GYS1: variants seen among roughly 807,000 people sequenced by gnomAD.
The protein encoded by GYS1 is glycogen synthase 1.
A neutral mutation model predicts 89.1 loss-of-function variants in GYS1; 60 were observed. The ratio of observed to expected loss-of-function variants is 0.67; its 90% CI spans 0.55 to 0.84. The LOEUF is 0.84. Ranked by LOEUF, GYS1 falls within the 40% of genes least tolerant of loss-of-function variation. The pLI is 0.00. For synonymous variants in GYS1, 366 were observed against 401.7 expected, an observed-to-expected ratio of 0.91 and a Z score of 1.06; for missense variants, 888 against 1,003.1, an observed-to-expected ratio of 0.89 and a Z score of 1.55.
chr19:48,985,675 G>T, intron 4 of GYS1, 70 bp from the exon 5 acceptor site: 2 of 1,580,010 alleles, frequency 1.3e-6, no homozygotes, highest in Non-Finnish European at 1.7e-6. Context: ...AGACACTGGG[G>T]TCCCAAGAGA....
chr19:48,976,559 C>T (rs535201200), intron 10 of GYS1, among the ~76,000 whole-genome samples: 2 of 152,240 alleles, frequency 1.3e-5, no homozygotes, highest in African/African-American at 4.8e-5. Context: ...TAAGAAACCG[C>T]AGCTGCTGAG....
chr19:48,972,379 G>A (rs1002338724), intron 12 of GYS1, among the ~76,000 whole-genome samples: 3 of 151,710 alleles, frequency 2.0e-5, no homozygotes, highest in African/African-American at 7.3e-5. Flanking sequence ...TCACCATGTT[G>A]TCCAGGCTGG....
rs121434584 is a variant in GYS1, at chr19:48,974,658, G to A, written c.1384C>T (p.Arg462Ter). 6 of 1,614,016 alleles carry A rather than the reference G, an allele frequency of 3.7e-6. No individual in the cohort carries two copies. The highest frequency in any genetic ancestry group is 5.1e-6 in the Non-Finnish European group (6 of 1,179,930). ...SSDPILTTIR[R>*]IGLFNSSADR... ...GCACTGCTATTGAAGAGGCCGATTC[G>A]GCGGATGGTGGTCAGGATGGGGTCT... is the stretch of plus-strand genomic sequence containing the variant. The change falls in exon 11 of 16, where the codon CGA becomes TGA. Residue 462 changes from arginine to a stop codon, truncating the protein, a stop_gained. Transcript: ENST00000323798. LOFTEE classifies it high-confidence loss of function.
chr19:48,973,399 A>G (rs1365505199), intron 12 of GYS1, among the ~76,000 whole-genome samples: 1 of 152,084 alleles, frequency 6.6e-6, no homozygotes, highest in Non-Finnish European at 1.5e-5. Context: ...AGGCCTATGG[A>G]AAAAGGGAAT....
chr19:48,971,834 G>A (rs939373548), intron 12 of GYS1, among the ~76,000 whole-genome samples: 12 of 149,936 alleles, frequency 8.0e-5, no homozygotes, highest in African/African-American at 1.5e-4. Flanking sequence ...CAAATTATAG[G>A]TGTGAGCCAC....
In GYS1 at chr19:48,976,635, G is replaced by A. The variant is rs112692001; in HGVS notation, c.1308+1289C>T. Among the ~76,000 whole-genome samples the A allele has an allele frequency of 7.6e-3, 1,156 of 152,204 alleles. 19 individuals are homozygous for A. The highest frequency in any genetic ancestry group is 0.027 in the African/African-American group (1,115 of 41,508). Reference sequence around the variant, plus strand: ...CACCTCCTGACTGCGTCCCTAAAGTGGCCCGATAAAACTACCACTCCCAGC... The same window carrying A: ...CACCTCCTGACTGCGTCCCTAAAGTAGCCCGATAAAACTACCACTCCCAGC... On this transcript the variant is annotated intron_variant, in intron 10 of 15. Coordinates refer to ENST00000323798, the MANE Select transcript of GYS1 (RefSeq NM_002103.5).
Position 48,985,996 on chromosome 19 carries a change from G to C in GYS1, c.532C>G (p.His178Asp). The change falls in exon 4 of 16, where the codon CAC becomes GAC. Residue 178 changes from histidine (H) to aspartate (D), a missense_variant. His to Asp is a moderately conservative substitution (Grantham distance 81). Transcript: ENST00000323798. The stretch of plus-strand genomic sequence containing the variant: ...ACGCCTGCCAACCACTCATGGAAGT[G>C]AGCAACCACATGTGGCTTCTCCTCA... ...QSEEKPHVVA[H>D]FHEWLAGVGL... The C allele has an allele frequency of 6.2e-7, 1 of 1,614,186 alleles. No individual in the cohort carries two copies. Among genetic ancestry groups the C allele is most frequent in the Non-Finnish European group, 8.5e-7 (1 of 1,180,034 alleles).
intron 8 of GYS1, among the ~76,000 whole-genome samples, chr19:48,980,961 A>G (rs572917992): frequency 6.6e-5 from 10 of 152,096 alleles, no homozygotes; most frequent in African/African-American, 2.4e-4. Flanking sequence ...ATAAAAATAA[A>G]AAGTTAGCCA....
chr19:48,974,780 A>G (rs2038619607), intron 10 of GYS1, 47 bp from the exon 11 acceptor site: 1 of 1,307,792 alleles, frequency 7.6e-7, no homozygotes, highest in African/African-American at 1.5e-5. Flanking sequence ...GGGACAGAGA[A>G]CTCCCTACTT....
intron 11 of GYS1, 128 bp downstream of exon 11, chr19:48,974,492 A>G: frequency 9.5e-7 from 1 of 1,052,416 alleles, no homozygotes; most frequent in Non-Finnish European, 1.5e-6. Flanking sequence ...CCTGCCTCAG[A>G]AGCCAGGGTT....
At chr19:48,972,974 GAAAC>G (rs971653778) in intron 12 of GYS1, among the ~76,000 whole-genome samples, 3 of 152,058 alleles carry the variant, frequency 2.0e-5, no homozygotes, top group African/African-American at 7.2e-5. Flanking sequence ...TCTCAAAAAA[GAAAC>G]AAATAGTAAA....
At position 48,985,948 on chromosome 19, in the gene GYS1, G is replaced by A. The variant is rs1455481597; in HGVS notation, c.580C>T (p.Arg194Trp). Reference sequence around the variant, plus strand: ...AAGATGGTTGCTACAGGCAGTCGCCGGGCACGACACAGGCAGAGTCCAACG... The same window carrying A: ...AAGATGGTTGCTACAGGCAGTCGCCAGGCACGACACAGGCAGAGTCCAACG... ...AGVGLCLCRA[R>W]RLPVATIFTT... The change falls in exon 4 of 16, where the codon CGG becomes TGG. Residue 194 changes from arginine (R) to tryptophan (W), a missense_variant. By Grantham distance (101) the Arg-to-Trp change is moderately radical. Transcript: ENST00000323798. 2 of 1,614,134 alleles carry A rather than the reference G, an allele frequency of 1.2e-6. No individual in the cohort carries two copies. Among genetic ancestry groups the A allele is most frequent in the Admixed American group, 1.7e-5 (1 of 60,020 alleles).
At chr19:48,989,481 G>GAAAAACA (rs1555800045) in intron 2 of GYS1, among the ~76,000 whole-genome samples, 2 of 127,902 alleles carry the variant, frequency 1.6e-5, no homozygotes, top group African/African-American at 5.9e-5. Context: ...GATTCTATCT[G>GAAAAACA]AAAAAAAAAA....
chr19:48,986,532 T>C (rs1328500518), intron 3 of GYS1, among the ~76,000 whole-genome samples: 1 of 149,602 alleles, frequency 6.7e-6, no homozygotes, highest in African/African-American at 2.5e-5. Flanking sequence ...AGACAGTGTC[T>C]CACTCTGTGG....
intron 5 of GYS1, among the ~76,000 whole-genome samples, chr19:48,983,719 A>AGAAT (rs1294225262): frequency 1.3e-5 from 2 of 151,798 alleles, no homozygotes; most frequent in African/African-American, 4.9e-5. Flanking sequence ...AGGGCTGGGA[A>AGAAT]GAATGCCCAG....
intron 10 of GYS1, among the ~76,000 whole-genome samples, chr19:48,975,220 T>C (rs1357862186): frequency 6.6e-6 from 1 of 151,650 alleles, no homozygotes; most frequent in Admixed American, 6.6e-5. Flanking sequence ...CGTGAGCCAT[T>C]GCGCTCAGCC....
Position 48,985,849 on chromosome 19 carries a change from C to G in GYS1, c.678+1G>C. ...CCCCATCTGCCACGGTCCCAGCTCA[C>G]GTTCTCCAGGTTGTTGTAGAAGTCC... On this transcript the variant is annotated splice_donor_variant, in intron 4 of 15. Coordinates refer to ENST00000323798, the MANE Select transcript of GYS1 (RefSeq NM_002103.5). LOFTEE classifies it high-confidence loss of function. 6.2e-7 allele frequency: 1 copy of G among 1,613,066 alleles called. No individual in the cohort carries two copies. Among genetic ancestry groups the G allele is most frequent in the Non-Finnish European group, 8.5e-7 (1 of 1,179,954 alleles).
At chr19:48,969,654 C>T in intron 15 of GYS1, 43 bp from the exon 16 acceptor site, 1 of 1,567,452 alleles carries the variant, frequency 6.4e-7, no homozygotes, top group Non-Finnish European at 8.6e-7. Context: ...GAGCTGAGGA[C>T]CTCACAGTCC....
At chr19:48,987,470 G>A (rs1292640196) in intron 2 of GYS1, 85 bp from the exon 3 acceptor site, 4 of 1,050,270 alleles carry the variant, frequency 3.8e-6, no homozygotes, top group Non-Finnish European at 5.4e-6. Flanking sequence ...CCCATTTGCA[G>A]GCAGATGTCT....
Sources: gnomAD v4.1 joint callset for allele counts (sites outside exome capture counted in the v4.1 genomes callset) on GRCh38, gnomAD v4.1.1 for gene constraint, MANE v1.5 for transcripts, NCBI Gene and HGNC (gene_info 2026-07-23, HGNC 2026-07-21) for gene names.